The following C2CD3 variants were observed in gnomAD, a reference collection of about 807,000 sequenced individuals.
C2CD3 encodes the protein C2 domain-containing protein 3.
Under a neutral mutation model 234.0 loss-of-function variants are expected in C2CD3, and 148 were observed. The ratio of observed to expected loss-of-function variants is 0.63; its 90% confidence interval spans 0.55 to 0.72. The LOEUF (loss-of-function observed/expected upper bound fraction) is 0.72. Ranked by LOEUF, C2CD3 falls within the 30% of genes least tolerant of loss-of-function variation. C2CD3 has a pLI of 0.00. For missense variants in C2CD3, 2,577 were observed against 2,811.5 expected, an observed-to-expected ratio of 0.92 and a Z score of 1.89; for synonymous variants, 1,000 against 1,035.4, an observed-to-expected ratio of 0.97 and a Z score of 0.66.
At chr11:74,111,919 TACACACACACACACACACACACACAC>T (rs61499954) in intron 11 of C2CD3, among the ~76,000 whole-genome samples, 1 of 125,202 alleles carries the variant, frequency 8.0e-6, no homozygotes, top group Non-Finnish European at 1.7e-5. Context: ...TATTTGCTGA[TACACACACACACACACACACACACAC>T]ACACACACAC....
chr11:74,125,249 C>T lies in C2CD3; in HGVS notation c.1218-2114G>A, dbSNP rs550902310. Among the ~76,000 whole-genome samples, 133 of 152,250 alleles carry T rather than the reference C, an allele frequency of 8.7e-4. 1 individual carries two copies. Among genetic ancestry groups the T allele is most frequent in the African/African-American group, 3.1e-3 (127 of 41,556 alleles). On this transcript the variant is annotated intron_variant, in intron 7 of 32. Coordinates refer to ENST00000334126, the MANE Select transcript of C2CD3 (RefSeq NM_001286577.2). ...GTGTGATCATAGCTCACTGAAGCCT[C>T]GAACTCCTGGGCTCAAGGGTTCCTC...
chr11:74,029,915 CT>C (rs1042295645), intron 31 of C2CD3, among the ~76,000 whole-genome samples: 107 of 152,262 alleles, frequency 7.0e-4, no homozygotes, highest in African/African-American at 2.5e-3. Context: ...GCCACCATGC[CT>C]GGCTAATTTT....
rs185457067 is a variant in C2CD3, at chr11:74,092,008, A to G, written c.3517+408T>C. Among the ~76,000 whole-genome samples the G allele has an allele frequency of 3.2e-3, 490 of 151,960 alleles. 3 individuals carry two copies. In the Middle Eastern group the frequency reaches 0.034, roughly 11 times the overall value. ...TTAGAGAGAAAAGGGATGTTTATGT[A>G]TACTGTATATTTTATATATATATAT... On this transcript the variant is annotated intron_variant, in intron 19 of 32. Transcript: ENST00000334126.
chr11:74,058,925 A>G lies in C2CD3; in HGVS notation c.4952-1381T>C, dbSNP rs564251564. 2.6e-5 allele frequency among the ~76,000 whole-genome samples: 4 copies of G among 152,324 alleles called. No individual in the cohort carries two copies. In the East Asian group the frequency reaches 7.7e-4, roughly 29 times the overall value. The stretch of plus-strand genomic sequence containing the variant: ...TAGCCACATGGGGCTAGTGGCTACC[A>G]TACTGGACACTGAACCCACAGAACA... On this transcript the variant is annotated intron_variant, in intron 24 of 32. Transcript: ENST00000334126.
intron 28 of C2CD3, among the ~76,000 whole-genome samples, chr11:74,044,645 C>A (rs750524723): frequency 6.6e-6 from 1 of 152,134 alleles, no homozygotes; most frequent in East Asian, 1.9e-4. Context: ...TTTGAATGAT[C>A]CCATCACCCA....
At chr11:74,106,338 T>C in intron 13 of C2CD3, 33 bp downstream of exon 13, 1 of 1,610,482 alleles carries the variant, frequency 6.2e-7, no homozygotes, top group Non-Finnish European at 8.5e-7. Flanking sequence ...ACTCAGCAAA[T>C]ACTTCTGACT....
Position 74,135,408 on chromosome 11 carries a change from C to T in C2CD3, c.956-1851G>A, listed in dbSNP as rs544173425. ...ACAGCCTCCCAAAGTGCTGGGATTA[C>T]AGGCATGAGCCAGCTTGCCCGGACT... On this transcript the variant is annotated intron_variant, in intron 5 of 32. Coordinates refer to ENST00000334126, the MANE Select transcript of C2CD3 (RefSeq NM_001286577.2). Among the ~76,000 whole-genome samples, 8 of 152,238 alleles carry T rather than the reference C, an allele frequency of 5.3e-5. No homozygotes were observed. The South Asian group carries it at 1.7e-3, about 32-fold the overall frequency.
In C2CD3 at chr11:74,118,361, C is replaced by T. The variant is rs1469247278; in HGVS notation, c.1387G>A (p.Asp463Asn). Residue 463 changes from aspartate (D) to asparagine (N), a missense_variant, in exon 9 of 33, where the codon GAT (aspartate) becomes AAT (asparagine). By Grantham distance (23) the Asp-to-Asn change is conservative. Coordinates refer to ENST00000334126, the MANE Select transcript of C2CD3 (RefSeq NM_001286577.2). ...ATATCATCCTCTTCACTGAGGAAAT[C>T]ACTGATGCTGGTATCAGATTTCTAT... ...TAPKSDTSIS[D>N]FLSEEDDIVP... The T allele has an allele frequency of 1.2e-6, 2 of 1,612,874 alleles. No homozygotes were observed. The highest frequency in any genetic ancestry group is 2.7e-5 in the African/African-American group (2 of 74,860).
chr11:74,047,576 C>T (rs908839896), intron 28 of C2CD3, among the ~76,000 whole-genome samples: 10 of 152,166 alleles, frequency 6.6e-5, no homozygotes, highest in Non-Finnish European at 7.4e-5. Flanking sequence ...ATATTAGTGT[C>T]TTCTTGGAAT....
Position 74,093,106 on chromosome 11 carries a change from A to G in C2CD3, c.3345-518T>C, listed in dbSNP as rs146645858. On this transcript the variant is annotated intron_variant, in intron 18 of 32. Transcript: ENST00000334126. ...GACTGACAATTAATTGTATTTAGGA[A>G]AGTGTTCTCGCATGTGGATGGTACT... 4.6e-4 allele frequency among the ~76,000 whole-genome samples: 70 copies of G among 152,130 alleles called. 1 individual carries two copies. In the East Asian group the frequency reaches 0.013, roughly 28 times the overall value.
intron 27 of C2CD3, among the ~76,000 whole-genome samples, chr11:74,049,021 A>C (rs1426246612): frequency 6.6e-6 from 1 of 152,206 alleles, no homozygotes; most frequent in Non-Finnish European, 1.5e-5. Context: ...GTTGAAAAAC[A>C]AGTCAGTTGA....
At chr11:74,071,975 A>G (rs1000698107) in intron 24 of C2CD3, among the ~76,000 whole-genome samples, 11 of 152,128 alleles carry the variant, frequency 7.2e-5, no homozygotes, top group Admixed American at 6.5e-5. Context: ...AATGTAACAT[A>G]TACCATATCT....
chr11:74,041,852 A>G (rs925681109), intron 29 of C2CD3, among the ~76,000 whole-genome samples: 3 of 152,186 alleles, frequency 2.0e-5, no homozygotes, highest in African/African-American at 7.2e-5. Flanking sequence ...AAGGAATGGA[A>G]GGTCCCAAGC....
At chr11:74,048,570 T>C (rs1199113679) in intron 27 of C2CD3, among the ~76,000 whole-genome samples, 1 of 152,220 alleles carries the variant, frequency 6.6e-6, no homozygotes, top group Non-Finnish European at 1.5e-5. Flanking sequence ...TTTCAGTTGC[T>C]TTATCTATAT....
intron 31 of C2CD3, among the ~76,000 whole-genome samples, chr11:74,030,230 A>G (rs1256061359): frequency 1.3e-5 from 2 of 152,102 alleles, no homozygotes; most frequent in Non-Finnish European, 2.9e-5. Flanking sequence ...CAATTTCTCC[A>G]TTTTTAAATG....
Position 74,049,394 on chromosome 11 carries a change from C to G in C2CD3, c.5304G>C (p.Leu1768Phe). Residue 1768 changes from leucine to phenylalanine, a missense_variant, in exon 27 of 33, where the codon TTG (leucine) becomes TTC (phenylalanine). By Grantham distance (22) the Leu-to-Phe change is conservative. Coordinates refer to ENST00000334126, the MANE Select transcript of C2CD3 (RefSeq NM_001286577.2). ...IKVAVSPLES[L>F]IHFKEERQAR... ...CTTGCCTTTCTTCTTTGAAGTGTAT[C>G]AAACTCTCCAAAGGGGAGACAGCAA... 6.2e-7 allele frequency: 1 copy of G among 1,614,132 alleles called. No homozygotes were observed. The highest frequency in any genetic ancestry group is 8.5e-7 in the Non-Finnish European group (1 of 1,179,992).
intron 8 of C2CD3, among the ~76,000 whole-genome samples, chr11:74,119,940 C>T (rs1957156669): frequency 6.6e-6 from 1 of 152,048 alleles, no homozygotes; most frequent in South Asian, 2.1e-4. Flanking sequence ...CACCACAATA[C>T]AACTTTTAAA....
intron 30 of C2CD3, chr11:74,034,719 T>C (rs768852640): frequency 3.4e-6 from 3 of 876,818 alleles, no homozygotes; most frequent in Non-Finnish European, 3.7e-6. Context: ...ATCACCCATA[T>C]GATAAGGCAG....
intron 26 of C2CD3, among the ~76,000 whole-genome samples, chr11:74,050,059 T>A (rs1953603069): frequency 6.6e-6 from 1 of 152,164 alleles, no homozygotes; most frequent in Admixed American, 6.5e-5. Flanking sequence ...GGATTACACA[T>A]GTAAGCCACC....
Sources: allele counts gnomAD v4.1 joint callset (sites outside exome capture counted in the v4.1 genomes callset), GRCh38; gene constraint gnomAD v4.1.1; transcripts MANE v1.5; gene names NCBI Gene and HGNC (gene_info 2026-07-23, HGNC 2026-07-21).